Variants in CSF2RA observed in about 807,000 individuals in gnomAD.
The protein encoded by CSF2RA is granulocyte-macrophage colony-stimulating factor receptor subunit alpha.
A neutral mutation model predicts 51.6 loss-of-function variants in CSF2RA; 42 were observed. The observed-to-expected ratio is 0.81, with a 90% confidence interval of 0.64 to 1.05. The LOEUF (loss-of-function observed/expected upper bound fraction) is 1.05. CSF2RA is among the 50% of genes least tolerant of loss of function. The probability of loss-of-function intolerance (pLI) is 0.00; values close to 1 mark genes in which losing one functional copy is unlikely to be tolerated. For synonymous variants in CSF2RA, 222 were observed against 193.0 expected, an observed-to-expected ratio of 1.15 and a Z score of -1.24; for missense variants, 530 against 501.1, an observed-to-expected ratio of 1.06 and a Z score of -0.55.
downstream of CSF2RA, among the ~76,000 whole-genome samples, chrX:1,315,022 A>ACTGCACCTGCCCAACCG (rs1569515207): frequency 3.2e-3 from 330 of 103,190 alleles, 5 homozygotes; most frequent in Middle Eastern, 6.2e-3. Flanking sequence ...CTGCCCAACC[A>ACTGCACCTGCCCAACCG]CACTGCACCA....
chrX:1,305,835 C>G, intron 12 of CSF2RA: 2 of 1,517,478 alleles, frequency 1.3e-6, no homozygotes, highest in Admixed American at 3.9e-5. Flanking sequence ...CATCCCAGCA[C>G]TTTGGGAGGT....
At chrX:1,310,110 A>T (rs1469991279), downstream of CSF2RA, 15 of 285,964 alleles carry the variant, frequency 5.2e-5, no homozygotes, top group African/African-American at 3.4e-4. Context: ...CGGGAGGATC[A>T]CTTGAGTTCA....
chrX:1,323,485 C>G, the CSF2RA span, among the ~76,000 whole-genome samples: 1 of 152,070 alleles, frequency 6.6e-6, no homozygotes, highest in South Asian at 2.1e-4. Context: ...CTTCAGGCGA[C>G]CGGATTCTCA....
chrX:1,314,045 TA>T (rs2084301040), downstream of CSF2RA, among the ~76,000 whole-genome samples: 1 of 151,672 alleles, frequency 6.6e-6, no homozygotes, highest in African/African-American at 2.4e-5. Flanking sequence ...AAATAAAAAA[TA>T]AAAAACAGCC....
intron 4 of CSF2RA, among the ~76,000 whole-genome samples, chrX:1,286,721 G>C (rs1255226286): frequency 6.6e-6 from 1 of 152,198 alleles, no homozygotes; most frequent in Non-Finnish European, 1.5e-5. Flanking sequence ...ATGTGTACCA[G>C]AGCCTGATTC....
intron 7 of CSF2RA, chrX:1,293,989 T>C (rs61408512): frequency 4.5e-5 from 11 of 244,016 alleles, no homozygotes; most frequent in African/African-American, 2.1e-4. Flanking sequence ...CCAGTGTAGA[T>C]GGGAGGAGAC....
chrX:1,322,108 T>TTATTTATTTATTTATG, the CSF2RA span, among the ~76,000 whole-genome samples: 412 of 151,012 alleles, frequency 2.7e-3, 2 homozygotes, highest in African/African-American at 9.2e-3. Flanking sequence ...TATTATTTAT[T>TTATTTATTTATTTATG]TATTTATTTA....
chrX:1,287,073 A>AT (rs1383208182), intron 4 of CSF2RA: 1 of 151,218 alleles, frequency 6.6e-6, no homozygotes, highest in Non-Finnish European at 1.5e-5. Flanking sequence ...TGATTGGAAG[A>AT]TTGATAATCA....
At chrX:1,286,101 C>T (rs186063943) in intron 4 of CSF2RA, among the ~76,000 whole-genome samples, 181 bp downstream of exon 4, 19 of 151,866 alleles carry the variant, frequency 1.3e-4, no homozygotes, top group Admixed American at 4.0e-4. Flanking sequence ...GGTGAAACCC[C>T]GTCTCTACTA....
Position 1,290,387 on chromosome X carries a change from A to G in CSF2RA, c.524A>G (p.His175Arg), listed in dbSNP as rs2091289231. ...TATTACATACAAGACTCAGGAACCC[A>G]TGTGGGATGTCACCTGGATAACCTG... is the stretch of plus-strand genomic sequence containing the variant. ...CPYYIQDSGT[H>R]VGCHLDNLSG... Residue 175 changes from histidine (H) to arginine (R), a missense_variant, in exon 7 of 13, where the codon CAT becomes CGT. Transcript: ENST00000381529. 1.2e-6 allele frequency: 2 copies of G among 1,613,754 alleles called. No homozygotes were observed. Among genetic ancestry groups the G allele is most frequent in the Non-Finnish European group, 1.7e-6 (2 of 1,179,700 alleles).
downstream of CSF2RA, among the ~76,000 whole-genome samples, chrX:1,313,597 A>T (rs1211587170): frequency 1.3e-5 from 2 of 150,618 alleles, no homozygotes; most frequent in African/African-American, 4.9e-5. Flanking sequence ...CTATAATCCC[A>T]GCTACTTGGG....
intron 3 of CSF2RA, among the ~76,000 whole-genome samples, chrX:1,283,856 G>A (rs1331816760): frequency 4.0e-5 from 6 of 151,862 alleles, no homozygotes; most frequent in Non-Finnish European, 8.8e-5. Flanking sequence ...GCTATGAGCC[G>A]CCACACCCAG....
Position 1,304,012 on chromosome X carries a change from T to G in CSF2RA, c.1036T>G (p.Phe346Val). ...CTGTGGCATCGTCCTCGGCTTCCTCTTTAAAAGGTAACCTGTGAAACACCT... is the reference window on the plus strand; with the variant it reads ...CTGTGGCATCGTCCTCGGCTTCCTCGTTAAAAGGTAACCTGTGAAACACCT... ...LVCGIVLGFL[F>V]KRFLRIQRLF... is the part of the protein sequence containing the mutation. The change falls in exon 11 of 13, where the codon TTT becomes GTT. Residue 346 changes from phenylalanine to valine, a missense_variant. Coordinates refer to ENST00000381529, the MANE Select transcript of CSF2RA (RefSeq NM_172245.4). 1 of 1,612,378 alleles carries G rather than the reference T, an allele frequency of 6.2e-7. No homozygotes were observed. The highest frequency in any genetic ancestry group is 8.5e-7 in the Non-Finnish European group (1 of 1,179,538).
At chrX:1,298,843 T>A (rs1411659150) in intron 9 of CSF2RA, among the ~76,000 whole-genome samples, 2 of 152,020 alleles carry the variant, frequency 1.3e-5, no homozygotes, top group African/African-American at 4.8e-5. Context: ...CACCTCCCCC[T>A]AGACCCAGTG....
the CSF2RA span, among the ~76,000 whole-genome samples, chrX:1,318,891 T>G: frequency 7.0e-6 from 1 of 142,606 alleles, no homozygotes; most frequent in Non-Finnish European, 1.5e-5. Context: ...CACTCCAGCC[T>G]GGGTTACAGA....
chrX:1,320,645 C>G, the CSF2RA span, among the ~76,000 whole-genome samples: 344 of 150,542 alleles, frequency 2.3e-3, no homozygotes, highest in African/African-American at 7.8e-3. Flanking sequence ...CTACAGGCGC[C>G]CACCATCATG....
At chrX:1,294,255 C>A in intron 7 of CSF2RA, 73 bp from the exon 8 acceptor site, 1 of 1,587,890 alleles carries the variant, frequency 6.3e-7, no homozygotes, top group Non-Finnish European at 8.6e-7. Flanking sequence ...GGAGACTCTG[C>A]ACCACCTCCA....
chrX:1,304,644 G>T (rs1278165911), intron 11 of CSF2RA, among the ~76,000 whole-genome samples: 2 of 117,116 alleles, frequency 1.7e-5, no homozygotes, highest in Admixed American at 1.9e-4. Flanking sequence ...TTGGAGGTGG[G>T]TTTTTTTTTG....
At chrX:1,318,173 T>A in the CSF2RA span, among the ~76,000 whole-genome samples, 1 of 149,246 alleles carries the variant, frequency 6.7e-6, no homozygotes, top group East Asian at 2.0e-4. Flanking sequence ...TTTTTAACTT[T>A]TTTTTTTGAG....
Sources: gnomAD v4.1 joint callset for allele counts (sites outside exome capture counted in the v4.1 genomes callset) on GRCh38, gnomAD v4.1.1 for gene constraint, MANE v1.5 for transcripts, NCBI Gene and HGNC (gene_info 2026-07-23, HGNC 2026-07-21) for gene names.